KATNA1: variants seen among roughly 807,000 people sequenced by gnomAD.
KATNA1 encodes the protein katanin p60 ATPase-containing subunit A1.
KATNA1 carries 42 observed loss-of-function variants against 62.6 expected under a neutral mutation model. That is an observed-to-expected ratio of 0.67 (90% CI 0.52 to 0.87). KATNA1 has a LOEUF of 0.87. KATNA1 is among the 40% of genes least tolerant of loss of function. The pLI, the probability that KATNA1 is intolerant of heterozygous loss-of-function variation, is 0.00. For synonymous variants in KATNA1, 186 were observed against 201.9 expected (o/e 0.92, Z 0.67); for missense variants, 498 against 612.5 (o/e 0.81, Z 1.97).
Position 149,601,755 on chromosome 6 carries a change from G to A in KATNA1, c.730-3C>T. 1 of 1,580,584 alleles carries A rather than the reference G, an allele frequency of 6.3e-7. No individual in the cohort carries two copies. Among genetic ancestry groups the A allele is most frequent in the Non-Finnish European group, 8.6e-7 (1 of 1,164,658 alleles). ...GGTGGGCCGACCATCAGTACTCCCT[G>A]TTGCGAATATAATAGCCTCAGCAGA... On this transcript the variant is annotated splice_region_variant and splice_polypyrimidine_tract_variant and intron_variant, in intron 6 of 10. Coordinates refer to ENST00000367411, the MANE Select transcript of KATNA1 (RefSeq NM_007044.4).
At position 149,595,238 on chromosome 6, in the gene KATNA1, G is replaced by A; in HGVS notation, c.1278-4C>T. ...CATTGCCATCAAGGACGCATCCCTA[G>A]GTTTTAAGTTAAAAACAACAACAAC... On this transcript the variant is annotated splice_region_variant and splice_polypyrimidine_tract_variant and intron_variant, in intron 10 of 10. Transcript: ENST00000367411. 1 of 1,609,194 alleles carries A rather than the reference G, an allele frequency of 6.2e-7. No individual in the cohort carries two copies. Among genetic ancestry groups the A allele is most frequent in the Non-Finnish European group, 8.5e-7 (1 of 1,176,922 alleles).
chr6:149,594,937 T>C lies in KATNA1; in HGVS notation c.*99A>G, dbSNP rs1270379555. 1.7e-5 allele frequency: 15 copies of C among 892,742 alleles called. No individual in the cohort carries two copies. Among genetic ancestry groups the C allele is most frequent in the Non-Finnish European group, 2.3e-5 (14 of 599,194 alleles). 55.3% of individuals were successfully genotyped at this position (892,742 alleles called of 1,614,324 possible). ...GGGTTTTTTTAAAAAAATCTTACCA[T>C]TATGAAAGTTAAAAAAAATATAGCA... On this transcript the variant is annotated 3_prime_UTR_variant, in exon 11 of 11. Coordinates refer to ENST00000367411, the MANE Select transcript of KATNA1 (RefSeq NM_007044.4).
Position 149,638,554 on chromosome 6 carries a change from C to T in KATNA1, c.-7G>A, listed in dbSNP as rs561964940. 1.2e-6 allele frequency: 2 copies of T among 1,600,364 alleles called. No individual in the cohort carries two copies. Among genetic ancestry groups the T allele is most frequent in the Non-Finnish European group, 1.7e-6 (2 of 1,174,068 alleles). On this transcript the variant is annotated 5_prime_UTR_variant, in exon 2 of 11. Coordinates refer to ENST00000367411, the MANE Select transcript of KATNA1 (RefSeq NM_007044.4). The stretch of plus-strand genomic sequence containing the variant: ...TAATCATAAGAAGACTCATGTTCAA[C>T]TGTAAGCTAAAAAGAAGAAGAAAAA...
At chr6:149,599,725 C>T (rs1442888048) in intron 7 of KATNA1, among the ~76,000 whole-genome samples, 1 of 152,012 alleles carries the variant, frequency 6.6e-6, no homozygotes, top group Non-Finnish European at 1.5e-5. Context: ...ATCATGTTGG[C>T]CAGGCTGGTC....
chr6:149,646,093 A>G (rs1208707296), intron 1 of KATNA1, among the ~76,000 whole-genome samples: 1 of 152,078 alleles, frequency 6.6e-6, no homozygotes, highest in East Asian at 1.9e-4. Flanking sequence ...TTTTTTTAAC[A>G]TAATGTGCAT....
chr6:149,613,179 CAAAAAAAAAAAAAAAAAAAAAA>C (rs71270309), intron 4 of KATNA1, among the ~76,000 whole-genome samples: 26 of 12,564 alleles, frequency 2.1e-3, no homozygotes, highest in South Asian at 5.7e-3. Context: ...GACTCTGTCT[CAAAAAAAAAAAAAAAAAAAAAA>C]AAAAAAAAAA....
chr6:149,608,986 A>G (rs1440545877), intron 4 of KATNA1, among the ~76,000 whole-genome samples: 1 of 152,190 alleles, frequency 6.6e-6, no homozygotes, highest in Non-Finnish European at 1.5e-5. Context: ...ATAATATGAA[A>G]ATGTCCAGGT....
intron 7 of KATNA1, 66 bp downstream of exon 7, chr6:149,601,528 A>G (rs2115082020): frequency 3.6e-6 from 5 of 1,395,870 alleles, no homozygotes; most frequent in Non-Finnish European, 4.9e-6. Context: ...TACTGGAGAT[A>G]GTTACAGCTC....
intron 1 of KATNA1, among the ~76,000 whole-genome samples, chr6:149,639,761 C>A (rs1780210483): frequency 6.6e-6 from 1 of 152,158 alleles, no homozygotes; most frequent in Non-Finnish European, 1.5e-5. Flanking sequence ...CCTCTAAAGT[C>A]CCCTTGCACT....
Position 149,634,457 on chromosome 6 carries a change from A to G in KATNA1, c.163-1541T>C, listed in dbSNP as rs928111814. Reference sequence around the variant, plus strand: ...AGAGAATTGCTTGAGCCCAAGGGGGAAAAAAAACCATCAAAGCACAACTTG... The same window carrying G: ...AGAGAATTGCTTGAGCCCAAGGGGGGAAAAAAACCATCAAAGCACAACTTG... On this transcript the variant is annotated intron_variant, in intron 2 of 10. Transcript: ENST00000367411. Among the ~76,000 whole-genome samples, 15 of 151,834 alleles carry G rather than the reference A, an allele frequency of 9.9e-5. No individual in the cohort carries two copies. The Middle Eastern group carries it at 0.01, about 103-fold the overall frequency.
intron 6 of KATNA1, among the ~76,000 whole-genome samples, chr6:149,602,875 C>T (rs536563317): frequency 1.5e-4 from 23 of 152,084 alleles, no homozygotes; most frequent in Admixed American, 3.9e-4. Flanking sequence ...GCACGCACAA[C>T]CACGCCCGGC....
Position 149,632,795 on chromosome 6 carries a change from C to T in KATNA1, c.284G>A (p.Gly95Glu), listed in dbSNP as rs140455659. Residue 95 changes from glycine to glutamate, a missense_variant, in exon 3 of 11, where the codon GGA becomes GAA. Around this residue, in one of 3 missense-constraint regions of KATNA1, gnomAD observed 203 missense variants for 198.4 expected, o/e 1.02. Coordinates refer to ENST00000367411, the MANE Select transcript of KATNA1 (RefSeq NM_007044.4). ...AGGTACAGGCATGGACCAGACTTCT[C>T]CCTCAGAAGCTGGAAGGTCATGCTG... ...AAQHDLPASE[G>E]EVWSMPVPVE... 2.4e-5 allele frequency: 38 copies of T among 1,613,446 alleles called. No homozygotes were observed. Among genetic ancestry groups the T allele is most frequent in the Middle Eastern group, 3.3e-4 (2 of 6,078 alleles).
chr6:149,603,257 A>G lies in KATNA1; in HGVS notation c.729+11T>C, dbSNP rs776103752. On this transcript the variant is annotated intron_variant, in intron 6 of 10. Coordinates refer to ENST00000367411, the MANE Select transcript of KATNA1 (RefSeq NM_007044.4). ...TTTACTTTGACAATGCCATCACAGTAATAAACTTACTTTCCATGGTCTCCT... is the reference window on the plus strand; with the variant it reads ...TTTACTTTGACAATGCCATCACAGTGATAAACTTACTTTCCATGGTCTCCT... The G allele has an allele frequency of 1.7e-6, 2 of 1,200,164 alleles. No homozygotes were observed. The highest frequency in any genetic ancestry group is 2.4e-6 in the Non-Finnish European group (2 of 824,150). The allele number at this position is 1,200,164 out of a possible 1,614,324, so 74.3% of individuals were successfully genotyped here. A position where few individuals can be genotyped will look rare whatever the true frequency, so the allele number is the denominator to read the frequency against.
chr6:149,597,595 C>G lies in KATNA1; in HGVS notation c.1062G>C (p.Met354Ile), dbSNP rs1778375800. The G allele has an allele frequency of 6.2e-7, 1 of 1,613,974 alleles. No homozygotes were observed. The highest frequency in any genetic ancestry group is 1.3e-5 in the African/African-American group (1 of 75,050). The part of the protein sequence containing the change: ...SENDDPSKMV[M>I]VLAATNFPWD... ...AGGGAAAATTAGTAGCTGCCAGAAC[C>G]ATAACCATTTTGGAAGGGTCATCAT... The change falls in exon 9 of 11, where the codon ATG (methionine) becomes ATC (isoleucine). Residue 354 changes from methionine to isoleucine, a missense_variant. This residue lies in a region of KATNA1 where 267 missense variants were observed against 372.6 expected (regional missense o/e 0.72). Transcript: ENST00000367411.
intron 7 of KATNA1, among the ~76,000 whole-genome samples, chr6:149,599,015 C>T (rs569621203): frequency 5.6e-4 from 85 of 152,080 alleles, no homozygotes; most frequent in African/African-American, 1.9e-3. Context: ...CAGGTGTGTG[C>T]CACCACACCA....
rs775827491 is a variant in KATNA1, at chr6:149,642,404, T to A, written c.-13-3844A>T. Reference sequence around the variant, plus strand: ...ACATACACACACATATATATGTATATATACACCCCATGACCCAGCAATCCC... The same window carrying A: ...ACATACACACACATATATATGTATAAATACACCCCATGACCCAGCAATCCC... On this transcript the variant is annotated intron_variant, in intron 1 of 10. Coordinates refer to ENST00000367411, the MANE Select transcript of KATNA1 (RefSeq NM_007044.4). 2.0e-5 allele frequency among the ~76,000 whole-genome samples: 3 copies of A among 152,272 alleles called. No individual in the cohort carries two copies. In the South Asian group the frequency reaches 6.2e-4, roughly 32 times the overall value.
intron 4 of KATNA1, among the ~76,000 whole-genome samples, chr6:149,622,421 A>G (rs901604156): frequency 6.6e-6 from 1 of 152,052 alleles, no homozygotes; most frequent in Non-Finnish European, 1.5e-5. Context: ...TATATATACA[A>G]CTTAGTCTCA....
intron 2 of KATNA1, among the ~76,000 whole-genome samples, chr6:149,633,461 C>G (rs1193434126): frequency 6.6e-6 from 1 of 152,018 alleles, no homozygotes; most frequent in Non-Finnish European, 1.5e-5. Context: ...GGATAGGAAA[C>G]ATCCACGCCT....
chr6:149,597,098 T>G lies in KATNA1; in HGVS notation c.1242A>C (p.Glu414Asp). Reference protein sequence around the residue: ...VDLASIAENMEGYSGADITNV... With the variant: ...VDLASIAENMDGYSGADITNV... ...TGGTAATGTCCGCACCTGAATAACC[T>G]TCCATGTTTTCTGCTATACTTGCAA... Residue 414 changes from glutamate to aspartate, a missense_variant, in exon 10 of 11, where the codon GAA (glutamate) becomes GAC (aspartate). Glu to Asp is a conservative substitution (Grantham distance 45). This residue lies in a region of KATNA1 where 267 missense variants were observed against 372.6 expected (regional missense o/e 0.72). Transcript: ENST00000367411. The G allele has an allele frequency of 6.2e-7, 1 of 1,614,166 alleles. No individual in the cohort carries two copies. Among genetic ancestry groups the G allele is most frequent in the South Asian group, 1.1e-5 (1 of 91,084 alleles).
Sources: allele counts gnomAD v4.1 joint callset (sites outside exome capture counted in the v4.1 genomes callset), GRCh38; gene constraint gnomAD v4.1.1; regional missense constraint gnomAD v4.1.1; transcripts MANE v1.5; gene names NCBI Gene and HGNC (gene_info 2026-07-23, HGNC 2026-07-21).